Variants in RORA observed in about 807,000 individuals in gnomAD.
The protein encoded by RORA is RAR related orphan receptor A.
In RORA, 7 loss-of-function variants were observed where a neutral mutation model predicts 69.5. The observed-to-expected ratio is 0.10, with a 90% CI of 0.06 to 0.19. The LOEUF (loss-of-function observed/expected upper bound fraction) is 0.19, where lower values mean the gene tolerates loss of function less well. Among genes scored for constraint, RORA ranks in the 10% least tolerant of loss-of-function variants. The probability of loss-of-function intolerance (pLI) is 1.00; values close to 1 mark genes in which losing one functional copy is unlikely to be tolerated. For synonymous variants in RORA, 261 were observed against 240.8 expected, an observed-to-expected ratio of 1.08 and a Z score of -0.78; for missense variants, 457 against 663.0, an observed-to-expected ratio of 0.69 and a Z score of 3.41.
intron 1 of RORA, among the ~76,000 whole-genome samples, chr15:60,982,368 C>G (rs1894069233): frequency 6.6e-6 from 1 of 152,208 alleles, no homozygotes; most frequent in Non-Finnish European, 1.5e-5. Flanking sequence ...AGACCTTATT[C>G]CCTACAGCAT....
At chr15:60,883,173 AGAGAGAG>A (rs1444020686) in intron 1 of RORA, among the ~76,000 whole-genome samples, 2,436 of 135,002 alleles carry the variant, frequency 0.018, 123 homozygotes, top group South Asian at 0.033. Flanking sequence ...AGAGAGAGAG[AGAGAGAG>A]AGAAAGAAAG....
intron 1 of RORA, among the ~76,000 whole-genome samples, chr15:61,212,327 A>T (rs988698781): frequency 3.3e-4 from 51 of 152,312 alleles, no homozygotes; most frequent in African/African-American, 1.2e-3. Context: ...AAAGCAGAGA[A>T]AAGTGAAATG....
chr15:60,596,444 T>A (rs966895531), intron 2 of RORA, among the ~76,000 whole-genome samples: 3 of 152,090 alleles, frequency 2.0e-5, no homozygotes, highest in African/African-American at 7.2e-5. Context: ...CTGTGACCTT[T>A]AGGAGTTGAG....
chr15:60,566,759 T>C (rs557206781), intron 2 of RORA, among the ~76,000 whole-genome samples: 3 of 152,218 alleles, frequency 2.0e-5, no homozygotes, highest in Non-Finnish European at 2.9e-5. Context: ...AAAGTTGCGA[T>C]GGGAGTGAAG....
chr15:61,120,117 T>C (rs1223374905), intron 1 of RORA, among the ~76,000 whole-genome samples: 1 of 152,178 alleles, frequency 6.6e-6, no homozygotes, highest in Non-Finnish European at 1.5e-5. Context: ...TGGCTGCCCA[T>C]TAGAATCATC....
At chr15:61,190,893 T>C (rs1269994112) in intron 1 of RORA, among the ~76,000 whole-genome samples, 1 of 152,210 alleles carries the variant, frequency 6.6e-6, no homozygotes, top group Non-Finnish European at 1.5e-5. Flanking sequence ...TGCTTATATA[T>C]ATGAATCTCA....
chr15:60,666,505 A>G (rs2070384400), intron 2 of RORA, among the ~76,000 whole-genome samples: 2 of 151,976 alleles, frequency 1.3e-5, no homozygotes, highest in African/African-American at 4.8e-5. Flanking sequence ...AAGAATATCT[A>G]GTAGGACAAA....
At chr15:60,544,524 T>C (rs918224490) in intron 2 of RORA, among the ~76,000 whole-genome samples, 1 of 152,202 alleles carries the variant, frequency 6.6e-6, no homozygotes, top group Non-Finnish European at 1.5e-5. Context: ...ACATTACTAC[T>C]ATGAAACGAA....
At chr15:60,756,304 A>T (rs1218664250) in intron 1 of RORA, among the ~76,000 whole-genome samples, 2 of 152,232 alleles carry the variant, frequency 1.3e-5, no homozygotes, top group Non-Finnish European at 2.9e-5. Flanking sequence ...GTGGCAACTG[A>T]ATGACGAGGC....
At chr15:61,157,802 A>C (rs1567015696) in intron 1 of RORA, among the ~76,000 whole-genome samples, 1 of 152,234 alleles carries the variant, frequency 6.6e-6, no homozygotes, top group Non-Finnish European at 1.5e-5. Context: ...CTGTTAAATA[A>C]ATCGATAAAT....
intron 1 of RORA, among the ~76,000 whole-genome samples, chr15:61,113,897 A>G (rs2079028786): frequency 6.6e-6 from 1 of 152,194 alleles, no homozygotes; most frequent in Admixed American, 6.5e-5. Flanking sequence ...GACAGAGTTA[A>G]CCATGACAGC....
rs142567628 is a variant in RORA, at chr15:61,121,959, G to A, written c.166+107094C>T. ...TGATAGTAGAATAATGTCATCTAGT[G>A]TATATGAAATCCTGGACAATATAAG... On this transcript the variant is annotated intron_variant, in intron 1 of 10. Transcript: ENST00000335670. 1.7e-3 allele frequency among the ~76,000 whole-genome samples: 257 copies of A among 152,220 alleles called. 2 individuals are homozygous for A. Among genetic ancestry groups the A allele is most frequent in the African/African-American group, 5.8e-3 (243 of 41,552 alleles).
intron 2 of RORA, among the ~76,000 whole-genome samples, chr15:60,672,878 T>C (rs28563918): frequency 0.022 from 3,296 of 152,360 alleles, 115 homozygotes; most frequent in African/African-American, 0.073. Flanking sequence ...TCTGCCATTA[T>C]TACTGTCAAT....
At chr15:60,769,537 TA>T (rs1567184273) in intron 1 of RORA, among the ~76,000 whole-genome samples, 1 of 152,152 alleles carries the variant, frequency 6.6e-6, no homozygotes, top group African/African-American at 2.4e-5. Context: ...ACTAATAAAA[TA>T]AACCATCCTT....
chr15:60,733,880 C>T (rs914246316), intron 1 of RORA, among the ~76,000 whole-genome samples: 1 of 139,544 alleles, frequency 7.2e-6, no homozygotes, highest in Non-Finnish European at 1.5e-5. Flanking sequence ...GTGTATCCAA[C>T]TATCTGCACA....
At chr15:60,888,583 C>T (rs1333290011) in intron 1 of RORA, among the ~76,000 whole-genome samples, 1 of 152,176 alleles carries the variant, frequency 6.6e-6, no homozygotes, top group Non-Finnish European at 1.5e-5. Flanking sequence ...AAAATCAAAC[C>T]CAAACCACAA....
chr15:61,140,324 T>A (rs575276009), intron 1 of RORA, among the ~76,000 whole-genome samples: 1 of 152,238 alleles, frequency 6.6e-6, no homozygotes, highest in African/African-American at 2.4e-5. Context: ...TAAGGAATTA[T>A]GTTGCCTGGT....
chr15:60,783,062 T>A (rs1001379068), intron 1 of RORA, among the ~76,000 whole-genome samples: 1 of 152,096 alleles, frequency 6.6e-6, no homozygotes, highest in Non-Finnish European at 1.5e-5. Context: ...ATCACAGACA[T>A]ACACACAAAA....
At chr15:60,863,519 C>T (rs373345873) in intron 1 of RORA, among the ~76,000 whole-genome samples, 24 of 152,158 alleles carry the variant, frequency 1.6e-4, no homozygotes, top group African/African-American at 4.6e-4. Context: ...ATCTGGCCTA[C>T]GAAAAGCTGT....
Sources: gnomAD v4.1 joint callset for allele counts (sites outside exome capture counted in the v4.1 genomes callset) on GRCh38, gnomAD v4.1.1 for gene constraint, MANE v1.5 for transcripts, NCBI Gene and HGNC (gene_info 2026-07-23, HGNC 2026-07-21) for gene names.